The following CMSS1 variants were observed in gnomAD, a reference collection of about 807,000 sequenced individuals.
CMSS1 encodes the protein protein CMSS1.
CMSS1 carries 33 observed loss-of-function variants against 43.5 expected under a neutral mutation model. That is an observed-to-expected ratio of 0.76 (90% CI 0.57 to 1.01). The LOEUF is 1.01. Ranked by LOEUF, CMSS1 falls within the 50% of genes least tolerant of loss-of-function variation. The pLI is 0.00. For missense variants in CMSS1, 313 were observed against 326.4 expected (o/e 0.96, Z 0.32); for synonymous variants, 115 against 117.2 (o/e 0.98, Z 0.12).
intron 1 of CMSS1, among the ~76,000 whole-genome samples, chr3:100,120,124 C>A (rs2066607553): frequency 1.3e-5 from 2 of 152,240 alleles, no homozygotes; most frequent in Admixed American, 1.3e-4. Context: ...CTGTACTCTC[C>A]AGTTTCCAGG....
intron 1 of CMSS1, among the ~76,000 whole-genome samples, chr3:99,953,746 T>G: frequency 6.6e-6 from 1 of 152,210 alleles, no homozygotes; most frequent in Non-Finnish European, 1.5e-5. Flanking sequence ...TGGCCTTTCC[T>G]AGAAACTCAG....
At chr3:99,827,221 T>C (rs1218039728) in intron 1 of CMSS1, among the ~76,000 whole-genome samples, 2 of 152,208 alleles carry the variant, frequency 1.3e-5, no homozygotes, top group Non-Finnish European at 2.9e-5. Context: ...AGACAGAGTC[T>C]CACTCTGTCA....
chr3:100,051,017 A>G (rs950757689), intron 1 of CMSS1, among the ~76,000 whole-genome samples: 15 of 152,196 alleles, frequency 9.9e-5, no homozygotes, highest in Non-Finnish European at 1.9e-4. Flanking sequence ...CTTGCAAACA[A>G]TCTTATACCC....
intron 1 of CMSS1, among the ~76,000 whole-genome samples, chr3:100,120,834 G>T (rs1489614030): frequency 1.3e-5 from 2 of 152,064 alleles, no homozygotes; most frequent in African/African-American, 4.8e-5. Context: ...GTTTCTGGCA[G>T]GAAAAGAGTA....
At chr3:99,932,237 C>G (rs1576582169) in intron 1 of CMSS1, among the ~76,000 whole-genome samples, 1 of 152,086 alleles carries the variant, frequency 6.6e-6, no homozygotes, top group East Asian at 1.9e-4. Context: ...TTATCATTCC[C>G]CTGTATGTTT....
intron 1 of CMSS1, among the ~76,000 whole-genome samples, chr3:99,826,704 T>C (rs767805442): frequency 9.9e-5 from 15 of 152,206 alleles, no homozygotes; most frequent in Non-Finnish European, 1.0e-4. Context: ...CTCCGTTACT[T>C]AGTAGTTATC....
At chr3:100,061,507 TTAA>T (rs1225262818) in intron 1 of CMSS1, among the ~76,000 whole-genome samples, 3 of 152,262 alleles carry the variant, frequency 2.0e-5, no homozygotes, top group Non-Finnish European at 4.4e-5. Flanking sequence ...TTATTTCTTA[TTAA>T]TACCTCCTGC....
chr3:99,864,617 T>G (rs988119887), intron 1 of CMSS1, among the ~76,000 whole-genome samples: 1 of 152,122 alleles, frequency 6.6e-6, no homozygotes, highest in Non-Finnish European at 1.5e-5. Flanking sequence ...ATACCATGTT[T>G]TTGGTGTTCA....
In CMSS1 at chr3:100,045,817, TC is replaced by T. The variant is rs2065270289; in HGVS notation, c.65-101155del. On this transcript the variant is annotated intron_variant, in intron 1 of 9. Transcript: ENST00000421999. ...CACATTGCACATGTCAGCAAGGCCT[TC>T]TGGGCTTCTTGGCATTCCTAATGAT... Among the ~76,000 whole-genome samples, 2 of 152,316 alleles carry T rather than the reference TC, an allele frequency of 1.3e-5. 1 individual carries two copies. The highest frequency in any genetic ancestry group is 3.9e-4 in the East Asian group (2 of 5,186).
intron 1 of CMSS1, chr3:99,924,368 C>T (rs751372890): frequency 6.2e-6 from 10 of 1,614,088 alleles, no homozygotes; most frequent in South Asian, 3.3e-5. Flanking sequence ...TCCCAGGATT[C>T]GTCTGTAAGA....
chr3:100,149,346 A>T (rs574902849), intron 2 of CMSS1, among the ~76,000 whole-genome samples: 7 of 152,218 alleles, frequency 4.6e-5, no homozygotes, highest in African/African-American at 1.7e-4. Flanking sequence ...GACTCCAAGG[A>T]TACTGTTGCT....
chr3:99,984,743 A>T (rs556826653), intron 1 of CMSS1, among the ~76,000 whole-genome samples: 1 of 152,224 alleles, frequency 6.6e-6, no homozygotes, highest in Non-Finnish European at 1.5e-5. Flanking sequence ...AGAAAGATCT[A>T]TGTTTTACTC....
intron 2 of CMSS1, among the ~76,000 whole-genome samples, chr3:100,156,145 A>C (rs2066970420): frequency 6.6e-6 from 1 of 151,802 alleles, no homozygotes; most frequent in Non-Finnish European, 1.5e-5. Context: ...CTTTTTAGAG[A>C]CAAGGGTCTC....
intron 8 of CMSS1, among the ~76,000 whole-genome samples, chr3:100,172,992 G>A (rs2067122379): frequency 6.6e-6 from 1 of 152,088 alleles, no homozygotes; most frequent in African/African-American, 2.4e-5. Context: ...CAGATTGAAT[G>A]ATTTCTTTTC....
intron 1 of CMSS1, among the ~76,000 whole-genome samples, chr3:99,878,477 A>T (rs1437636400): frequency 6.6e-6 from 1 of 152,260 alleles, no homozygotes; most frequent in East Asian, 1.9e-4. Context: ...TCTTACATAT[A>T]TAGCCTTCTT....
chr3:100,099,777 C>T (rs1234143342), intron 1 of CMSS1, among the ~76,000 whole-genome samples: 1 of 152,116 alleles, frequency 6.6e-6, no homozygotes, highest in African/African-American at 2.4e-5. Flanking sequence ...CAGTGGGAAC[C>T]TAACAGGCCA....
intron 1 of CMSS1, among the ~76,000 whole-genome samples, chr3:100,023,685 C>T (rs1057405987): frequency 3.9e-5 from 6 of 152,022 alleles, no homozygotes; most frequent in African/African-American, 9.7e-5. Context: ...GAGTTGGCCT[C>T]ATATAAACCA....
chr3:99,858,841 C>T (rs1415715589), intron 1 of CMSS1, among the ~76,000 whole-genome samples: 13 of 152,222 alleles, frequency 8.5e-5, no homozygotes, highest in Non-Finnish European at 1.9e-4. Context: ...ACATCAGTGG[C>T]AAATTTGTCT....
At chr3:99,925,807 A>G (rs996068332) in intron 1 of CMSS1, 2 of 979,684 alleles carry the variant, frequency 2.0e-6, no homozygotes, top group Non-Finnish European at 2.4e-6. Flanking sequence ...AGAACATGCC[A>G]GTGGCCAAAA....
Sources: allele counts gnomAD v4.1 joint callset (sites outside exome capture counted in the v4.1 genomes callset), GRCh38; gene constraint gnomAD v4.1.1; transcripts MANE v1.5; gene names NCBI Gene and HGNC (gene_info 2026-07-23, HGNC 2026-07-21).